Variants in PCDH15 observed in about 807,000 individuals in gnomAD.
The protein encoded by PCDH15 is protocadherin related 15.
Under a neutral mutation model 178.5 loss-of-function variants are expected in PCDH15, and 129 were observed. The ratio of observed to expected loss-of-function variants is 0.72; its 90% confidence interval spans 0.63 to 0.84. The LOEUF is 0.84. Among genes scored for constraint, PCDH15 ranks in the 40% least tolerant of loss-of-function variants. PCDH15 has a pLI of 0.00. For synonymous variants in PCDH15, 800 were observed against 732.0 expected (o/e 1.09, Z -1.50); for missense variants, 2,230 against 2,099.9 (o/e 1.06, Z -1.21).
intron 1 of PCDH15, among the ~76,000 whole-genome samples, chr10:54,683,739 A>G (rs1261131080): frequency 6.6e-6 from 1 of 152,090 alleles, no homozygotes; most frequent in Non-Finnish European, 1.5e-5. Flanking sequence ...CAGAACTTTG[A>G]AGTACATTAT....
rs55793083 is a variant in PCDH15 at position 53,866,446 on chromosome 10, A to AATATATAT, written c.3717+188_3717+195dup. 3.5e-3 allele frequency among the ~76,000 whole-genome samples: 505 copies of AATATATAT among 145,792 alleles called. 2 individuals carry two copies. Among genetic ancestry groups the AATATATAT allele is most frequent in the African/African-American group, 0.01 (402 of 40,164 alleles). ...ATAAACACCTTACGGTGTTTTTGTA[A>AATATATAT]ATATATATATATATATATATATGAA... On this transcript the variant is annotated intron_variant, in intron 27 of 37. Coordinates refer to ENST00000644397, the MANE Select transcript of PCDH15 (RefSeq NM_001384140.1).
At chr10:55,134,676 G>C (rs1047656840) in intron 2 of PCDH15, among the ~76,000 whole-genome samples, 1 of 152,128 alleles carries the variant, frequency 6.6e-6, no homozygotes, top group Non-Finnish European at 1.5e-5. Flanking sequence ...CATTAGGTAG[G>C]TTATCATTTG....
intron 5 of PCDH15, among the ~76,000 whole-genome samples, chr10:54,358,159 A>G (rs200308989): frequency 6.8e-6 from 1 of 147,442 alleles, no homozygotes; most frequent in East Asian, 1.9e-4. Context: ...GCTAAAATTG[A>G]CAAATGGGAT....
In PCDH15 at chr10:54,411,719, C is replaced by T. The variant is rs146411990; in HGVS notation, c.158-32777G>A. On this transcript the variant is annotated intron_variant, in intron 3 of 37. Transcript: ENST00000644397. Reference sequence around the variant, plus strand: ...TCAGTACTTTTGATATAAGACTAGACAGTGAATTCCTCAATTACAGGGGCT... The same window carrying T: ...TCAGTACTTTTGATATAAGACTAGATAGTGAATTCCTCAATTACAGGGGCT... 1.4e-4 allele frequency among the ~76,000 whole-genome samples: 21 copies of T among 152,180 alleles called. No homozygotes were observed. The East Asian group carries it at 3.5e-3, about 25-fold the overall frequency.
chr10:54,269,347 GA>G (rs766773853), intron 8 of PCDH15, among the ~76,000 whole-genome samples: 6 of 151,838 alleles, frequency 4.0e-5, no homozygotes, highest in Non-Finnish European at 7.4e-5. Context: ...ACTTTGTAAA[GA>G]ACAATTAATA....
chr10:53,920,814 G>C (rs1240890539), intron 25 of PCDH15, among the ~76,000 whole-genome samples: 1 of 151,990 alleles, frequency 6.6e-6, no homozygotes, highest in East Asian at 1.9e-4. Context: ...TTTCCTGCTT[G>C]TTTGCGAAAT....
At chr10:54,587,435 G>C (rs12763336) in intron 2 of PCDH15, among the ~76,000 whole-genome samples, 17,913 of 152,082 alleles carry the variant, frequency 0.12, 1,244 homozygotes, top group Non-Finnish European at 0.16. Context: ...ACAACTTAGT[G>C]CAGAGGAGCT....
At chr10:55,518,725 T>G (rs1004602143) in intron 2 of PCDH15, among the ~76,000 whole-genome samples, 2 of 151,848 alleles carry the variant, frequency 1.3e-5, no homozygotes, top group African/African-American at 4.8e-5. Flanking sequence ...TAACTCTCCC[T>G]CCCAGATAAG....
Position 55,531,381 on chromosome 10 carries a change from A to T in PCDH15, c.-156+96244T>A, listed in dbSNP as rs549340961. ...CTTCAAACATGTTTTTCCTCATAAA[A>T]ATAGGTAATCTTTTACATAAATGGC... On this transcript the variant is annotated intron_variant, in intron 2 of 5. Transcript: ENST00000613346. Among the ~76,000 whole-genome samples the T allele has an allele frequency of 5.3e-5, 8 of 152,138 alleles. No individual in the cohort carries two copies. The East Asian group carries it at 1.4e-3, about 26-fold the overall frequency.
intron 2 of PCDH15, among the ~76,000 whole-genome samples, chr10:55,349,192 AG>A (rs1318748318): frequency 6.6e-6 from 1 of 152,070 alleles, no homozygotes; most frequent in Non-Finnish European, 1.5e-5. Flanking sequence ...ATATTGTGCT[AG>A]ATTGTTATTT....
Position 54,170,660 on chromosome 10 carries a change from C to T in PCDH15, c.1590+12784G>A, listed in dbSNP as rs562019334. ...CACACCTGACCCCCATGACTGTATCCCTCTGATCCACCTGACATTCACCCC... is the reference window on the plus strand; with the variant it reads ...CACACCTGACCCCCATGACTGTATCTCTCTGATCCACCTGACATTCACCCC... On this transcript the variant is annotated intron_variant, in intron 13 of 37. Transcript: ENST00000644397. Among the ~76,000 whole-genome samples, 367 of 151,832 alleles carry T rather than the reference C, an allele frequency of 2.4e-3. 1 individual carries two copies. The highest frequency in any genetic ancestry group is 6.9e-3 in the African/African-American group (286 of 41,192).
chr10:54,971,124 A>G (rs1188148149), intron 2 of PCDH15, among the ~76,000 whole-genome samples: 1 of 152,150 alleles, frequency 6.6e-6, no homozygotes, highest in East Asian at 1.9e-4. Flanking sequence ...TTTGTACATT[A>G]GAAGGATGTA....
intron 2 of PCDH15, among the ~76,000 whole-genome samples, chr10:55,068,187 GT>G (rs1369714253): frequency 6.6e-6 from 1 of 151,786 alleles, no homozygotes; most frequent in South Asian, 2.1e-4. Flanking sequence ...TTTTTCTTAT[GT>G]TTTTTGTTAT....
chr10:55,588,773 T>C (rs1342552060), intron 2 of PCDH15, among the ~76,000 whole-genome samples: 3 of 151,918 alleles, frequency 2.0e-5, no homozygotes, highest in Admixed American at 6.6e-5. Flanking sequence ...AGCAACACTA[T>C]GAAAAACTGT....
chr10:54,893,866 G>C (rs1387612767), intron 3 of PCDH15, among the ~76,000 whole-genome samples: 1 of 152,054 alleles, frequency 6.6e-6, no homozygotes, highest in East Asian at 1.9e-4. Flanking sequence ...ATAGGGAGAA[G>C]AAAATCAGTT....
intron 8 of PCDH15, among the ~76,000 whole-genome samples, chr10:54,296,850 C>T (rs2059827504): frequency 6.6e-6 from 1 of 152,128 alleles, no homozygotes; most frequent in Admixed American, 6.5e-5. Flanking sequence ...GGGTATGGCC[C>T]TCCACTTCAT....
intron 17 of PCDH15, among the ~76,000 whole-genome samples, chr10:54,075,516 C>G (rs2094325852): frequency 6.6e-6 from 1 of 152,030 alleles, no homozygotes; most frequent in East Asian, 1.9e-4. Context: ...CAAATTCCAA[C>G]TTGTCTATTT....
At chr10:55,307,246 T>C (rs985401987) in intron 1 of PCDH15, among the ~76,000 whole-genome samples, 14 of 152,114 alleles carry the variant, frequency 9.2e-5, no homozygotes, top group African/African-American at 3.4e-4. Flanking sequence ...CTCACGTCTG[T>C]AATCCCAGCA....
chr10:53,829,719 G>C (rs2076906171), intron 30 of PCDH15, among the ~76,000 whole-genome samples: 1 of 152,064 alleles, frequency 6.6e-6, no homozygotes. Context: ...TTTCAGGTTG[G>C]AATTACTTGA....
Sources: gnomAD v4.1 joint callset for allele counts (sites outside exome capture counted in the v4.1 genomes callset) on GRCh38, gnomAD v4.1.1 for gene constraint, MANE v1.5 for transcripts, NCBI Gene and HGNC (gene_info 2026-07-23, HGNC 2026-07-21) for gene names.